The following SYTL1 variants were observed in gnomAD, a reference collection of about 807,000 sequenced individuals.
SYTL1 encodes the protein synaptotagmin like 1, also known as synaptotagmin-like protein 1.
In SYTL1, 53 loss-of-function variants were observed where a neutral mutation model predicts 74.6. The observed-to-expected ratio is 0.71, with a 90% CI of 0.57 to 0.89. SYTL1 has a LOEUF of 0.89. Ranked by LOEUF, SYTL1 falls within the 40% of genes least tolerant of loss-of-function variation. The pLI, the probability that SYTL1 is intolerant of heterozygous loss-of-function variation, is 0.00. For synonymous variants in SYTL1, 329 were observed against 324.9 expected, an observed-to-expected ratio of 1.01 and a Z score of -0.14; for missense variants, 728 against 768.7, an observed-to-expected ratio of 0.95 and a Z score of 0.63.
rs767306941 is a variant in SYTL1 at position 27,349,782 on chromosome 1, G to C, written c.747+17G>C. ...TCCTCCACGGTGAGGCGGGAGGGAG[G>C]GGACCCGGGCGGCCGGGGGGTGGAC... On this transcript the variant is annotated intron_variant, in intron 8 of 14. Transcript: ENST00000616558. 6.3e-7 allele frequency: 1 copy of C among 1,583,282 alleles called. No individual in the cohort carries two copies. Among genetic ancestry groups the C allele is most frequent in the East Asian group, 2.3e-5 (1 of 43,698 alleles).
chr1:27,350,384 C>T lies in SYTL1; in HGVS notation c.909-5C>T, dbSNP rs762483817. 1.2e-6 allele frequency: 2 copies of T among 1,613,764 alleles called. No homozygotes were observed. The highest frequency in any genetic ancestry group is 1.7e-6 in the Non-Finnish European group (2 of 1,179,702). On this transcript the variant is annotated splice_polypyrimidine_tract_variant and splice_region_variant and intron_variant, in intron 9 of 14. Coordinates refer to ENST00000616558, the MANE Select transcript of SYTL1 (RefSeq NM_001193308.2). This position sits in a 1 kb window ranked among gnomAD's most constrained non-coding sequence, Gnocchi z 6.3. ...CCTCCTCACCTCGGGTTCTCACCTC[C>T]CCAGCTACGTCAAAAGCTACCTCCT...
rs1271120175 is a variant in SYTL1, at chr1:27,351,191, G to A, written c.1165-67G>A. ...TTCTAGCCGCACCCCATCCGGGTCT[G>A]CAGACCCCACCCTCCTGAGGCCCCT... On this transcript the variant is annotated intron_variant, in intron 11 of 14. Coordinates refer to ENST00000616558, the MANE Select transcript of SYTL1 (RefSeq NM_001193308.2). The surrounding 1 kb of genome is among the most constrained non-coding windows in gnomAD (Gnocchi z 5.0). 6.6e-7 allele frequency: 1 copy of A among 1,525,850 alleles called. No individual in the cohort carries two copies. Among genetic ancestry groups the A allele is most frequent in the African/African-American group, 1.4e-5 (1 of 72,662 alleles). 94.5% of individuals were successfully genotyped at this position (1,525,850 alleles called of 1,614,324 possible).
Position 27,350,100 on chromosome 1 carries a change from C to A in SYTL1, c.876C>A (p.Gly292=). Residue 292 remains glycine (G), a synonymous_variant, in exon 9 of 15, where the codon GGC becomes GGA. Coordinates refer to ENST00000616558, the MANE Select transcript of SYTL1 (RefSeq NM_001193308.2). This position sits in a 1 kb window ranked among gnomAD's most constrained non-coding sequence, Gnocchi z 6.3. ...GCGTGCACGTGATCCAGTGCCAGGG[C>A]CTGGCCGCCGCCCGGCGCCGCCGCT... is the stretch of plus-strand genomic sequence containing the variant. ...ELRVHVIQCQ[G]LAAARRRRSD... 1 of 1,411,604 alleles carries A rather than the reference C, an allele frequency of 7.1e-7. No individual in the cohort carries two copies. The allele number at this position is 1,411,604 out of a possible 1,614,324, so 87.4% of individuals were successfully genotyped here.
At chr1:27,349,021 C>A in intron 5 of SYTL1, 59 bp from the exon 6 acceptor site, 1 of 1,372,212 alleles carries the variant, frequency 7.3e-7, no homozygotes, top group Non-Finnish European at 1.0e-6. Flanking sequence ...CCCAATATGA[C>A]CTTTGACCTC....
Position 27,345,143 on chromosome 1 carries a change from T to G in SYTL1, c.-38-154T>G. ...GTTCAAGGGCTAGTGTATGCATGTG[T>G]GCATGAGTGTCTCTCACCCCACCTT... On this transcript the variant is annotated intron_variant, in intron 1 of 14. Coordinates refer to ENST00000616558, the MANE Select transcript of SYTL1 (RefSeq NM_001193308.2). This position sits in a 1 kb window ranked among gnomAD's most constrained non-coding sequence, Gnocchi z 6.0. The G allele has an allele frequency of 1.9e-6, 1 of 516,930 alleles. No individual in the cohort carries two copies. The highest frequency in any genetic ancestry group is 2.8e-5 in the South Asian group (1 of 36,304). The allele number at this position is 516,930 out of a possible 1,614,324, so 32.0% of individuals were successfully genotyped here. A position where few individuals can be genotyped will look rare whatever the true frequency, so the allele number is the denominator to read the frequency against.
Position 27,353,828 on chromosome 1 carries a change from A to G in SYTL1, c.1665A>G (p.Arg555=). Residue 555 remains arginine, a synonymous_variant, in exon 15 of 15, where the codon AGA becomes AGG. Transcript: ENST00000616558. ...CEWVDGLLPL[R]TNLAPRT Reference sequence around the variant, plus strand: ...GGGTGGATGGCCTTCTACCCCTCAGAACCAACCTGGCCCCCAGGACGTAGC... The same window carrying G: ...GGGTGGATGGCCTTCTACCCCTCAGGACCAACCTGGCCCCCAGGACGTAGC... The G allele has an allele frequency of 1.9e-6, 3 of 1,613,970 alleles. No individual in the cohort carries two copies. Among genetic ancestry groups the G allele is most frequent in the Non-Finnish European group, 2.5e-6 (3 of 1,179,888 alleles).
rs2015032469 is a variant in SYTL1, at chr1:27,347,102, T to C, written c.192-319T>C. Among the ~76,000 whole-genome samples, 1 of 152,166 alleles carries C rather than the reference T, an allele frequency of 6.6e-6. No individual in the cohort carries two copies. Among genetic ancestry groups the C allele is most frequent in the Admixed American group, 6.5e-5 (1 of 15,270 alleles). The stretch of plus-strand genomic sequence containing the variant: ...GCGCCACAGCACTCCAGCCTGGGCA[T>C]AGAGGGAGACTCCATCTCAAAATAA... On this transcript the variant is annotated intron_variant, in intron 2 of 14. Coordinates refer to ENST00000616558, the MANE Select transcript of SYTL1 (RefSeq NM_001193308.2). This position sits in a 1 kb window ranked among gnomAD's most constrained non-coding sequence, Gnocchi z 4.9.
intron 13 of SYTL1, chr1:27,352,426 T>C (rs985507597): frequency 6.6e-6 from 1 of 152,152 alleles, no homozygotes; most frequent in African/African-American, 2.4e-5. Flanking sequence ...CCAGCGAGAA[T>C]AGCAGAACTG....
chr1:27,347,421 C>T lies in SYTL1; in HGVS notation c.192C>T (p.Ser64=), dbSNP rs2015043827. 1.2e-6 allele frequency: 2 copies of T among 1,614,078 alleles called. No individual in the cohort carries two copies. Among genetic ancestry groups the T allele is most frequent in the Non-Finnish European group, 1.7e-6 (2 of 1,180,034 alleles). The change falls in exon 3 of 15, where the codon AGC becomes AGT. Residue 64 remains serine, a splice_region_variant and synonymous_variant. Coordinates refer to ENST00000616558, the MANE Select transcript of SYTL1 (RefSeq NM_001193308.2). This position sits in a 1 kb window ranked among gnomAD's most constrained non-coding sequence, Gnocchi z 4.9. ...RLRQLEEGRV[S]KLRASVADPG... is the part of the protein sequence containing the mutation. ...AGCCACACCCTCCCCCTTCCTCCAG[C>T]AAGCTCCGGGCCTCAGTGGCAGACC...
intron 2 of SYTL1, among the ~76,000 whole-genome samples, chr1:27,346,924 C>T (rs2015025424): frequency 6.6e-6 from 1 of 151,764 alleles, no homozygotes; most frequent in Non-Finnish European, 1.5e-5. Flanking sequence ...TAGAGACCAG[C>T]CTGGGCAACA....
Position 27,351,246 on chromosome 1 carries a change from C to A in SYTL1, c.1165-12C>A. The A allele has an allele frequency of 6.4e-7, 1 of 1,553,258 alleles. No individual in the cohort carries two copies. Among genetic ancestry groups the A allele is most frequent in the Non-Finnish European group, 8.7e-7 (1 of 1,149,488 alleles). ...ATTAGCCCCTGCTCCACGATAAGCC[C>A]GCCTCTCGCAGGTCCCACCCTCTCC... is the stretch of plus-strand genomic sequence containing the variant. On this transcript the variant is annotated splice_polypyrimidine_tract_variant and intron_variant, in intron 11 of 14. Transcript: ENST00000616558. This position sits in a 1 kb window ranked among gnomAD's most constrained non-coding sequence, Gnocchi z 5.0.
At position 27,347,412 on chromosome 1, in the gene SYTL1, T is replaced by C. The variant is rs1249197460; in HGVS notation, c.192-9T>C. 4 of 1,613,826 alleles carry C rather than the reference T, an allele frequency of 2.5e-6. No individual in the cohort carries two copies. Among genetic ancestry groups the C allele is most frequent in the Non-Finnish European group, 3.4e-6 (4 of 1,179,990 alleles). On this transcript the variant is annotated splice_polypyrimidine_tract_variant and intron_variant, in intron 2 of 14. Coordinates refer to ENST00000616558, the MANE Select transcript of SYTL1 (RefSeq NM_001193308.2). The surrounding 1 kb of genome is among the most constrained non-coding windows in gnomAD (Gnocchi z 4.9). ...AGTCATGACAGCCACACCCTCCCCC[T>C]TCCTCCAGCAAGCTCCGGGCCTCAG... is the stretch of plus-strand genomic sequence containing the variant.
Position 27,350,482 on chromosome 1 carries a change from C to G in SYTL1, c.1002C>G (p.Leu334=). Residue 334 remains leucine, a synonymous_variant, in exon 10 of 15, where the codon CTC becomes CTG. Transcript: ENST00000616558. The surrounding 1 kb of genome is among the most constrained non-coding windows in gnomAD (Gnocchi z 6.3). ...TGAATCCGGTTTTCAACGAGACTCT[C>G]CGGGTGAGGCTGTGACCACGATGCG... ...RNLNPVFNET[L]RYSVPQAELQ... 6.2e-7 allele frequency: 1 copy of G among 1,611,982 alleles called. No homozygotes were observed. Among genetic ancestry groups the G allele is most frequent in the Admixed American group, 1.7e-5 (1 of 60,006 alleles).
rs1157428640 is a variant in SYTL1, at chr1:27,350,869, A to C, written c.1081A>C (p.Asn361His). The C allele has an allele frequency of 1.2e-6, 2 of 1,613,856 alleles. No homozygotes were observed. Among genetic ancestry groups the C allele is most frequent in the East Asian group, 4.5e-5 (2 of 44,876 alleles). Residue 361 changes from asparagine (N) to histidine (H), a missense_variant, in exon 11 of 15, where the codon AAC becomes CAC. Physicochemically the swap from Asn to His is moderately conservative, Grantham distance 68. Transcript: ENST00000616558. The surrounding 1 kb of genome is among the most constrained non-coding windows in gnomAD (Gnocchi z 6.3). ...SVWHRESLGR[N>H]IFLGEVEVPL... Reference sequence around the variant, plus strand: ...GTGGCACCGCGAAAGCCTGGGTCGCAACATCTTTCTGGGCGAAGTTGAAGT... The same window carrying C: ...GTGGCACCGCGAAAGCCTGGGTCGCCACATCTTTCTGGGCGAAGTTGAAGT...
chr1:27,352,451 T>G (rs943204440), intron 13 of SYTL1: 1 of 152,108 alleles, frequency 6.6e-6, no homozygotes, highest in Non-Finnish European at 1.5e-5. Context: ...TCAGAGACAT[T>G]GCTCTGCAGC....
Position 27,347,353 on chromosome 1 carries a change from T to C in SYTL1, c.192-68T>C. 6.2e-7 allele frequency: 1 copy of C among 1,607,998 alleles called. No homozygotes were observed. The stretch of plus-strand genomic sequence containing the variant: ...CCCTGGCCCCTGGTCCCAAGCCTGT[T>C]AACAATGTAGGTGGCGGGAATGTTG... On this transcript the variant is annotated intron_variant, in intron 2 of 14. Transcript: ENST00000616558. The surrounding 1 kb of genome is among the most constrained non-coding windows in gnomAD (Gnocchi z 4.9).
At chr1:27,346,296 G>A (rs932266377) in intron 2 of SYTL1, among the ~76,000 whole-genome samples, 1 of 152,166 alleles carries the variant, frequency 6.6e-6, no homozygotes, top group Non-Finnish European at 1.5e-5. Context: ...TCACTTCTAT[G>A]CCTATGCTGG....
At position 27,345,790 on chromosome 1, in the gene SYTL1, T is replaced by C. The variant is rs1000525017; in HGVS notation, c.191+265T>C. Among the ~76,000 whole-genome samples, 1 of 151,864 alleles carries C rather than the reference T, an allele frequency of 6.6e-6. No homozygotes were observed. Among genetic ancestry groups the C allele is most frequent in the African/African-American group, 2.4e-5 (1 of 41,368 alleles). On this transcript the variant is annotated intron_variant, in intron 2 of 14. Transcript: ENST00000616558. This position sits in a 1 kb window ranked among gnomAD's most constrained non-coding sequence, Gnocchi z 6.0. Reference sequence around the variant, plus strand: ...CCCCAGATCTGTCTGCTTTTTTTTTTTTTTCTTGAGACAGAGTTTCATTTT... The same window carrying C: ...CCCCAGATCTGTCTGCTTTTTTTTTCTTTTCTTGAGACAGAGTTTCATTTT...
Position 27,351,591 on chromosome 1 carries a change from T to C in SYTL1, c.1343+36T>C, listed in dbSNP as rs940047700. 3 of 1,375,178 alleles carry C rather than the reference T, an allele frequency of 2.2e-6. No individual in the cohort carries two copies. Among genetic ancestry groups the C allele is most frequent in the African/African-American group, 2.9e-5 (2 of 68,220 alleles). 85.2% of individuals were successfully genotyped at this position (1,375,178 alleles called of 1,614,324 possible). On this transcript the variant is annotated intron_variant, in intron 13 of 14. Coordinates refer to ENST00000616558, the MANE Select transcript of SYTL1 (RefSeq NM_001193308.2). The surrounding 1 kb of genome is among the most constrained non-coding windows in gnomAD (Gnocchi z 5.0). ...CTGGCCCTCCGGGCTTCCCATTCTTTTGCCTGCAGTGGAGTGCCCAACCTC... is the reference window on the plus strand; with the variant it reads ...CTGGCCCTCCGGGCTTCCCATTCTTCTGCCTGCAGTGGAGTGCCCAACCTC...
Sources: allele counts gnomAD v4.1 joint callset (sites outside exome capture counted in the v4.1 genomes callset), GRCh38; gene constraint gnomAD v4.1.1; non-coding constraint Gnocchi (gnomAD v3.1); transcripts MANE v1.5; gene names NCBI Gene and HGNC (gene_info 2026-07-23, HGNC 2026-07-21).